The following MS4A14 variants were observed in gnomAD, a reference collection of about 807,000 sequenced individuals.
MS4A14 encodes membrane-spanning 4-domains subfamily A member 14.
In MS4A14, 18 loss-of-function variants were observed where a neutral mutation model predicts 16.7. That is an observed-to-expected ratio of 1.08 (90% CI 0.75 to 1.60). MS4A14 has a LOEUF of 1.60. Among genes scored for constraint, MS4A14 ranks in the 40% most tolerant of loss-of-function variants. The pLI, the probability that MS4A14 is intolerant of heterozygous loss-of-function variation, is 0.00. For synonymous variants in MS4A14, 305 were observed against 289.4 expected, an observed-to-expected ratio of 1.05 and a Z score of -0.55; for missense variants, 812 against 775.3, an observed-to-expected ratio of 1.05 and a Z score of -0.56.
chr11:60,405,830 T>C (rs1157763738), intron 4 of MS4A14: 2 of 1,275,464 alleles, frequency 1.6e-6, no homozygotes, highest in Non-Finnish European at 2.2e-6. Context: ...TCTCAGCTTA[T>C]ATATTTAAAA....
At chr11:60,405,471 A>T (rs148577960) in intron 4 of MS4A14, among the ~76,000 whole-genome samples, 3 of 152,334 alleles carry the variant, frequency 2.0e-5, no homozygotes, top group Non-Finnish European at 4.4e-5. Flanking sequence ...CAATATAAAC[A>T]TTACCTTAAA....
intron 4 of MS4A14, among the ~76,000 whole-genome samples, chr11:60,407,906 A>G (rs1168553140): frequency 6.6e-6 from 1 of 152,060 alleles, no homozygotes; most frequent in Non-Finnish European, 1.5e-5. Context: ...AGTTCCATTT[A>G]TCATTTTTGC....
chr11:60,402,153 C>T (rs940507300), intron 3 of MS4A14, among the ~76,000 whole-genome samples: 3 of 151,950 alleles, frequency 2.0e-5, no homozygotes, highest in African/African-American at 7.3e-5. Flanking sequence ...CTCGGATATA[C>T]CTACCCCACC....
At position 60,415,935 on chromosome 11, in the gene MS4A14, C is replaced by A. The variant is rs2135155929; in HGVS notation, c.967C>A (p.Gln323Lys). Residue 323 changes from glutamine (Q) to lysine (K), a missense_variant, in exon 5 of 5, where the codon CAA becomes AAA. Gln to Lys is a moderately conservative substitution (Grantham distance 53). Coordinates refer to ENST00000300187, the MANE Select transcript of MS4A14 (RefSeq NM_032597.5). ...TATATCACCTGAAGACTTGCCATCC[C>A]AAGCTCTACCAGTAGAAGGCCTGTC... ...EDISPEDLPSQALPVEGLSEQ... is the reference protein window; with the variant it reads ...EDISPEDLPSKALPVEGLSEQ... The A allele has an allele frequency of 6.2e-7, 1 of 1,613,978 alleles. No homozygotes were observed. Among genetic ancestry groups the A allele is most frequent in the Non-Finnish European group, 8.5e-7 (1 of 1,179,932 alleles).
intron 4 of MS4A14, chr11:60,406,023 C>CAGGT: frequency 3.0e-6 from 4 of 1,313,264 alleles, no homozygotes; most frequent in Non-Finnish European, 4.0e-6. Flanking sequence ...ATTAAGAGAA[C>CAGGT]AGGTTCCTGT....
At chr11:60,411,652 G>T (rs2085872059) in intron 4 of MS4A14, among the ~76,000 whole-genome samples, 1 of 152,160 alleles carries the variant, frequency 6.6e-6, no homozygotes. Flanking sequence ...ATTAGGTCTA[G>T]TAGCTTTCCT....
chr11:60,406,591 T>G (rs899984211), intron 4 of MS4A14, among the ~76,000 whole-genome samples: 3 of 152,240 alleles, frequency 2.0e-5, no homozygotes, highest in African/African-American at 7.2e-5. Context: ...CCCTGTGATA[T>G]GTCTCCAGAG....
rs146613208 is a variant in MS4A14, at chr11:60,402,925, C to T, written c.332C>T (p.Thr111Met). 58 of 1,613,492 alleles carry T rather than the reference C, an allele frequency of 3.6e-5. No individual in the cohort carries two copies. Among genetic ancestry groups the T allele is most frequent in the South Asian group, 2.7e-4 (25 of 91,000 alleles). ...ACTATCTTTCAGGGTCAAGGTGTCA[C>T]GGGCATGAATGTTATCAGCTCCTTG... ...KKSKLLGQGV[T>M]GMNVISSLVA... The change falls in exon 4 of 5, where the codon ACG (threonine) becomes ATG (methionine). Residue 111 changes from threonine to methionine, a missense_variant. Physicochemically the swap from Thr to Met is moderately conservative, Grantham distance 81 (BLOSUM62 -1). Coordinates refer to ENST00000300187, the MANE Select transcript of MS4A14 (RefSeq NM_032597.5).
intron 4 of MS4A14, among the ~76,000 whole-genome samples, chr11:60,410,719 G>A (rs2085856143): frequency 6.6e-6 from 1 of 152,098 alleles, no homozygotes; most frequent in Non-Finnish European, 1.5e-5. Flanking sequence ...AATATTCTTG[G>A]TGTCTATGTT....
At chr11:60,403,244 A>G in intron 4 of MS4A14, 183 bp downstream of exon 4, 2 of 618,456 alleles carry the variant, frequency 3.2e-6, no homozygotes, top group Admixed American at 2.7e-5. Context: ...CTGGACTTGA[A>G]TCCTGTTCAC....
At chr11:60,401,881 C>G (rs932124418) in intron 3 of MS4A14, among the ~76,000 whole-genome samples, 2 of 152,110 alleles carry the variant, frequency 1.3e-5, no homozygotes, top group Non-Finnish European at 2.9e-5. Context: ...CAATAAAAAC[C>G]TGGGATTGAG....
Position 60,403,070 on chromosome 11 carries a change from T to A in MS4A14, c.468+9T>A. ...GTAGAACTCTTTTCATTGTAAGTGG[T>A]CTTATTTTGCATGAAGAATCCCTAA... On this transcript the variant is annotated intron_variant, in intron 4 of 4. Transcript: ENST00000300187. 2 of 1,612,906 alleles carry A rather than the reference T, an allele frequency of 1.2e-6. No homozygotes were observed. Among genetic ancestry groups the A allele is most frequent in the Non-Finnish European group, 1.7e-6 (2 of 1,179,088 alleles).
chr11:60,408,911 T>C (rs1406491701), intron 4 of MS4A14, among the ~76,000 whole-genome samples: 2 of 152,194 alleles, frequency 1.3e-5, no homozygotes, highest in Non-Finnish European at 2.9e-5. Flanking sequence ...CCATCTTACA[T>C]TTCCACTAGC....
chr11:60,397,927 C>T lies in MS4A14; in HGVS notation c.214C>T (p.Gln72Ter). Residue 72 changes from glutamine to a stop codon, truncating the protein, a stop_gained, in exon 2 of 5, where the codon CAA becomes TAA. Transcript: ENST00000300187. LOFTEE classifies it high-confidence loss of function. ...IFALNYIGFSQRLPLVVLTGY... is the reference protein window; with the variant it reads ...IFALNYIGFS Reference sequence around the variant, plus strand: ...TGCACTTAATTACATCGGTTTCTCCCAAAGACTTCCCCTTGTTGTCCTCAC... The same window carrying T: ...TGCACTTAATTACATCGGTTTCTCCTAAAGACTTCCCCTTGTTGTCCTCAC... 1 of 1,613,538 alleles carries T rather than the reference C, an allele frequency of 6.2e-7. No homozygotes were observed. Among genetic ancestry groups the T allele is most frequent in the Non-Finnish European group, 8.5e-7 (1 of 1,179,570 alleles).
chr11:60,403,331 A>T (rs748068704), intron 4 of MS4A14, among the ~76,000 whole-genome samples: 1 of 152,188 alleles, frequency 6.6e-6, no homozygotes, highest in Non-Finnish European at 1.5e-5. Flanking sequence ...GAACATAATG[A>T]GAATGCTTAC....
At position 60,416,462 on chromosome 11, in the gene MS4A14, A is replaced by C; in HGVS notation, c.1494A>C (p.Leu498Phe). 1 of 1,613,988 alleles carries C rather than the reference A, an allele frequency of 6.2e-7. No homozygotes were observed. Among genetic ancestry groups the C allele is most frequent in the Non-Finnish European group, 8.5e-7 (1 of 1,179,958 alleles). The part of the protein sequence containing the change: ...LNQQTKALQY[L>F]RRHSLDVQAK... ...AGCAAACCAAAGCCTTGCAATACTTAAGGAGACATTCTTTAGACGTGCAAG... is the reference window on the plus strand; with the variant it reads ...AGCAAACCAAAGCCTTGCAATACTTCAGGAGACATTCTTTAGACGTGCAAG... Residue 498 changes from leucine to phenylalanine, a missense_variant, in exon 5 of 5, where the codon TTA becomes TTC. Leu to Phe is a conservative substitution (Grantham distance 22, BLOSUM62 0). Transcript: ENST00000300187.
rs751267756 is a variant in MS4A14, at chr11:60,415,827, T to C, written c.859T>C (p.Ser287Pro). The C allele has an allele frequency of 1.9e-6, 3 of 1,613,824 alleles. No homozygotes were observed. The highest frequency in any genetic ancestry group is 2.2e-5 in the South Asian group (2 of 91,068). The change falls in exon 5 of 5, where the codon TCT (serine) becomes CCT (proline). Residue 287 changes from serine to proline, a missense_variant. Coordinates refer to ENST00000300187, the MANE Select transcript of MS4A14 (RefSeq NM_032597.5). ...TCTACAATCTGCTATTGTACAACCT[T>C]CTCAAATGCAAACCAAGCTTCTGCA... ...EDLQSAIVQP[S>P]QMQTKLLQDQ...
intron 4 of MS4A14, among the ~76,000 whole-genome samples, chr11:60,412,617 C>T (rs946294928): frequency 1.3e-5 from 2 of 151,576 alleles, no homozygotes; most frequent in African/African-American, 4.8e-5. Flanking sequence ...GTTTTATTGT[C>T]TTTTTGCTTT....
intron 4 of MS4A14, 89 bp downstream of exon 4, chr11:60,403,150 A>G (rs2135130473): frequency 7.0e-7 from 1 of 1,420,832 alleles, no homozygotes; most frequent in South Asian, 1.2e-5. Context: ...TTATTTTATT[A>G]AATGAAGTTG....
Sources: allele counts gnomAD v4.1 joint callset (sites outside exome capture counted in the v4.1 genomes callset), GRCh38; gene constraint gnomAD v4.1.1; transcripts MANE v1.5; gene names NCBI Gene and HGNC (gene_info 2026-07-23, HGNC 2026-07-21).